MFSD1: variants seen among roughly 807,000 people sequenced by gnomAD.
The protein encoded by MFSD1 is lysosomal dipeptide transporter MFSD1.
MFSD1 carries 59 observed loss-of-function variants against 67.1 expected under a neutral mutation model. The observed-to-expected ratio is 0.88, with a 90% confidence interval of 0.71 to 1.09. The LOEUF (loss-of-function observed/expected upper bound fraction) is 1.09, where lower values mean the gene tolerates loss of function less well. Ranked by LOEUF, MFSD1 falls within the 50% of genes least tolerant of loss-of-function variation. MFSD1 has a pLI of 0.00. For missense variants in MFSD1, 552 were observed against 566.1 expected, an observed-to-expected ratio of 0.97 and a Z score of 0.25; for synonymous variants, 213 against 200.3, an observed-to-expected ratio of 1.06 and a Z score of -0.54.
intron 3 of MFSD1, 119 bp downstream of exon 3, chr3:158,805,593 G>T: frequency 1.2e-6 from 1 of 831,972 alleles, no homozygotes; most frequent in Non-Finnish European, 2.0e-6. Flanking sequence ...TAATTTGCTT[G>T]AGTTTTTTAA....
chr3:158,827,144 T>C lies in MFSD1; in HGVS notation c.1337-136T>C, dbSNP rs993396146. 6 of 551,202 alleles carry C rather than the reference T, an allele frequency of 1.1e-5. No homozygotes were observed. The Admixed American group carries it at 2.4e-4, about 22-fold the overall frequency. The allele number at this position is 551,202 out of a possible 1,614,324, so 34.1% of individuals were successfully genotyped here. ...GGTTCCAGTAGATAAACCATTACTTTTTCATCGTCGATAGCTTTTTCTATT... is the reference window on the plus strand; with the variant it reads ...GGTTCCAGTAGATAAACCATTACTTCTTCATCGTCGATAGCTTTTTCTATT... On this transcript the variant is annotated intron_variant, in intron 14 of 15. Transcript: ENST00000415822.
chr3:158,804,450 T>A, intron 2 of MFSD1, 79 bp downstream of exon 2: 1 of 1,148,310 alleles, frequency 8.7e-7, no homozygotes, highest in South Asian at 1.3e-5. Context: ...AACCCTCAGG[T>A]GCCCTAGTCT....
rs144074516 is a variant in MFSD1, at chr3:158,823,224, A to G, written c.1078-204A>G. ...GATGACAAATGAAAATGGTTAAGAC[A>G]GCATGTATCTTGTCGCTAAAAGGAT... On this transcript the variant is annotated intron_variant, in intron 11 of 15. Transcript: ENST00000415822. 7.1e-5 allele frequency: 39 copies of G among 551,786 alleles called. 1 individual carries two copies. The highest frequency in any genetic ancestry group is 6.8e-4 in the African/African-American group (36 of 53,070). The allele number at this position is 551,786 out of a possible 1,614,324, so 34.2% of individuals were successfully genotyped here. A position where few individuals can be genotyped will look rare whatever the true frequency, so the allele number is the denominator to read the frequency against.
Position 158,827,318 on chromosome 3 carries a change from A to G in MFSD1, c.1375A>G (p.Ile459Val), listed in dbSNP as rs772736456. ...TTATTCTGCAAGACAAAGGGAAGAA[A>G]TAAAATTTTCCCATACTGAGTAAGT... ...LNYSARQREE[I>V]KFSHTE The change falls in exon 15 of 16, where the codon ATA (isoleucine) becomes GTA (valine). Residue 459 changes from isoleucine to valine, a missense_variant. Transcript: ENST00000415822. 25 of 1,551,978 alleles carry G rather than the reference A, an allele frequency of 1.6e-5. No homozygotes were observed. In the South Asian group the frequency reaches 2.2e-4, roughly 14 times the overall value.
At position 158,829,031 on chromosome 3, in the gene MFSD1, T is replaced by G. The variant is rs1418383281; in HGVS notation, c.*49T>G. 4.5e-6 allele frequency: 7 copies of G among 1,555,650 alleles called. No homozygotes were observed. Among genetic ancestry groups the G allele is most frequent in the Non-Finnish European group, 5.2e-6 (6 of 1,152,110 alleles). The stretch of plus-strand genomic sequence containing the variant: ...AGAATGGGCTTAACACATCGTTGGT[T>G]TGAAAACTTCCATTTTTAAAAATTT... On this transcript the variant is annotated 3_prime_UTR_variant, in exon 16 of 16. Coordinates refer to ENST00000415822, the MANE Select transcript of MFSD1 (RefSeq NM_022736.4).
chr3:158,827,923 AGAGAGAGAGAGAGAGAGAGGGG>A lies in MFSD1; in HGVS notation c.1394+606_1394+627del, dbSNP rs1320707266. Among the ~76,000 whole-genome samples, 154 of 79,104 alleles carry A rather than the reference AGAGAGAGAGAGAGAGAGAGGGG, an allele frequency of 1.9e-3. 2 individuals carry two copies. Among genetic ancestry groups the A allele is most frequent in the African/African-American group, 5.2e-3 (69 of 13,392 alleles). 51.9% of individuals were successfully genotyped at this position (79,104 alleles called of 152,430 possible). On this transcript the variant is annotated intron_variant, in intron 15 of 15. Coordinates refer to ENST00000415822, the MANE Select transcript of MFSD1 (RefSeq NM_022736.4). ...CAGAGAGAGAGAGAGGGGGAGAGAG[AGAGAGAGAGAGAGAGAGAGGGG>A]GAGAGAGAGAGAGAGAGAGAGAGAG... is the stretch of plus-strand genomic sequence containing the variant.
chr3:158,820,386 A>T, intron 9 of MFSD1, 60 bp downstream of exon 9: 1 of 1,163,340 alleles, frequency 8.6e-7, no homozygotes. Flanking sequence ...GTTCAATCAC[A>T]TAAATGTAGT....
At position 158,804,317 on chromosome 3, in the gene MFSD1, A is replaced by G. The variant is rs756144453; in HGVS notation, c.164-2A>G. 8 of 1,607,076 alleles carry G rather than the reference A, an allele frequency of 5.0e-6. No individual in the cohort carries two copies. The highest frequency in any genetic ancestry group is 6.8e-6 in the Non-Finnish European group (8 of 1,176,282). ...ACTTATAAAGTATTTGCTCTTTTCT[A>G]GGCAGCTATTTTTGCTATGATAATC... On this transcript the variant is annotated splice_acceptor_variant, in intron 1 of 15. Transcript: ENST00000415822. LOFTEE classifies it high-confidence loss of function.
At chr3:158,807,123 T>C in intron 4 of MFSD1, 41 bp downstream of exon 4, 1 of 1,544,478 alleles carries the variant, frequency 6.5e-7, no homozygotes, top group African/African-American at 1.4e-5. Flanking sequence ...TGACAGTGAC[T>C]TCTAAATTCT....
chr3:158,814,185 A>T (rs41272621), intron 7 of MFSD1, 118 bp downstream of exon 7: 81,295 of 635,954 alleles, frequency 0.13, 5,553 homozygotes, highest in East Asian at 0.18. Flanking sequence ...TGTTGTCTCC[A>T]TGGTTCTAAT....
At chr3:158,807,594 A>G (rs1473951363) in intron 5 of MFSD1, 131 bp downstream of exon 5, 6 of 707,810 alleles carry the variant, frequency 8.5e-6, no homozygotes, top group East Asian at 2.6e-5. Flanking sequence ...CATATGCATA[A>G]GAGTATTTCT....
intron 4 of MFSD1, 92 bp from the exon 5 acceptor site, chr3:158,807,304 G>A (rs1324282006): frequency 9.4e-7 from 1 of 1,065,614 alleles, no homozygotes; most frequent in South Asian, 1.4e-5. Context: ...TAAAACTATT[G>A]TAGAAGTTGA....
At chr3:158,822,423 T>G in intron 11 of MFSD1, 1 of 196,264 alleles carries the variant, frequency 5.1e-6, no homozygotes, top group Non-Finnish European at 1.0e-5. Flanking sequence ...GAATGCTTAT[T>G]AGTCCCATTT....
chr3:158,823,295 T>C (rs985540255), intron 11 of MFSD1, 133 bp from the exon 12 acceptor site: 1 of 671,878 alleles, frequency 1.5e-6, no homozygotes, highest in African/African-American at 1.8e-5. Context: ...ATACGAATTT[T>C]AGCCTAATAA....
chr3:158,827,976 G>C (rs11914601), intron 15 of MFSD1, among the ~76,000 whole-genome samples: 56,551 of 80,132 alleles, frequency 0.71, 18,245 homozygotes, highest in Middle Eastern at 0.83. Flanking sequence ...GAGAGAGAGA[G>C]AGACAGAGAT....
chr3:158,804,238 A>T, intron 1 of MFSD1, 81 bp from the exon 2 acceptor site: 4 of 967,956 alleles, frequency 4.1e-6, no homozygotes, highest in Non-Finnish European at 4.7e-6. Context: ...AGCATTTAAA[A>T]TTGTAATTTC....
rs1053163140 is a variant in MFSD1 at position 158,802,353 on chromosome 3, A to C, written c.163+38A>C. ...GGTGGGTTGGGGCTGATCTTTAAGG[A>C]ATTCCCGACTTTCTCTTCGAGGTAG... is the stretch of plus-strand genomic sequence containing the variant. On this transcript the variant is annotated intron_variant, in intron 1 of 15. Transcript: ENST00000415822. 5 of 1,607,974 alleles carry C rather than the reference A, an allele frequency of 3.1e-6. No homozygotes were observed. In the African/African-American group the frequency reaches 6.7e-5, roughly 22 times the overall value.
At chr3:158,817,324 C>T (rs1417189459) in intron 7 of MFSD1, among the ~76,000 whole-genome samples, 1 of 152,036 alleles carries the variant, frequency 6.6e-6, no homozygotes, top group African/African-American at 2.4e-5. Flanking sequence ...TGTTTGCAGA[C>T]AACATGATTG....
rs139267981 is a variant in MFSD1, at chr3:158,824,102, C to T, written c.1176-22C>T. On this transcript the variant is annotated intron_variant, in intron 12 of 15. Transcript: ENST00000415822. ...GAAGACTTTTGAAAATGAAATGTGT[C>T]TTTATATTTCTTCCATTGTAGCATG... 503 of 1,545,570 alleles carry T rather than the reference C, an allele frequency of 3.3e-4. No homozygotes were observed. The African/African-American group carries it at 6.0e-3, about 18-fold the overall frequency.
Sources: allele counts gnomAD v4.1 joint callset (sites outside exome capture counted in the v4.1 genomes callset), GRCh38; gene constraint gnomAD v4.1.1; transcripts MANE v1.5; gene names NCBI Gene and HGNC (gene_info 2026-07-23, HGNC 2026-07-21).